KIRREL1: variants seen among roughly 807,000 people sequenced by gnomAD.
The protein encoded by KIRREL1 is kin of IRRE-like protein 1.
In KIRREL1, 25 loss-of-function variants were observed where a neutral mutation model predicts 83.3. That is an observed-to-expected ratio of 0.30 (90% CI 0.22 to 0.42). The LOEUF is 0.42. KIRREL1 is among the 10% of genes least tolerant of loss of function. KIRREL1 has a pLI of 1.00. For synonymous variants in KIRREL1, 388 were observed against 410.4 expected (o/e 0.95, Z 0.66); for missense variants, 812 against 1,032.3 (o/e 0.79, Z 2.92).
At position 158,049,013 on chromosome 1, in the gene KIRREL1, G is replaced by A. The variant is rs527675462; in HGVS notation, c.53-27100G>A. Among the ~76,000 whole-genome samples the A allele has an allele frequency of 3.9e-5, 6 of 152,280 alleles. No homozygotes were observed. The South Asian group carries it at 1.2e-3, about 32-fold the overall frequency. Reference sequence around the variant, plus strand: ...AGTCAGGTGGGGCTTATCGGGAAAGGCTTTCTGGAAGAGGGAGCATTTGGG... The same window carrying A: ...AGTCAGGTGGGGCTTATCGGGAAAGACTTTCTGGAAGAGGGAGCATTTGGG... On this transcript the variant is annotated intron_variant, in intron 1 of 14. Coordinates refer to ENST00000359209, the MANE Select transcript of KIRREL1 (RefSeq NM_018240.7).
At chr1:157,999,598 C>A (rs1017929296) in intron 1 of KIRREL1, among the ~76,000 whole-genome samples, 2 of 152,148 alleles carry the variant, frequency 1.3e-5, no homozygotes, top group Non-Finnish European at 2.9e-5. Flanking sequence ...CATTTCTCTT[C>A]ATATGTCCAG....
chr1:158,026,026 C>A (rs899894886), intron 1 of KIRREL1, among the ~76,000 whole-genome samples: 2 of 152,062 alleles, frequency 1.3e-5, no homozygotes, highest in East Asian at 3.9e-4. Flanking sequence ...TCTCTCCCTG[C>A]CAGTCCTGGT....
Position 158,088,002 on chromosome 1 carries a change from C to A in KIRREL1, c.768-4C>A. 1 of 1,614,132 alleles carries A rather than the reference C, an allele frequency of 6.2e-7. No homozygotes were observed. The highest frequency in any genetic ancestry group is 8.5e-7 in the Non-Finnish European group (1 of 1,180,004). On this transcript the variant is annotated splice_region_variant and splice_polypyrimidine_tract_variant and intron_variant, in intron 6 of 14. Coordinates refer to ENST00000359209, the MANE Select transcript of KIRREL1 (RefSeq NM_018240.7). ...TCCCACCTCTGTGTTGCCTCCTCCC[C>A]TAGGTGGGCCAAAGGGGGTTTCTTG...
chr1:158,056,734 A>G (rs1187107194), intron 1 of KIRREL1, among the ~76,000 whole-genome samples: 2 of 152,134 alleles, frequency 1.3e-5, no homozygotes, highest in Non-Finnish European at 2.9e-5. Flanking sequence ...AGTGTTAATA[A>G]TGCATCACGT....
At chr1:158,020,176 G>A (rs1382863051) in intron 1 of KIRREL1, among the ~76,000 whole-genome samples, 5 of 152,060 alleles carry the variant, frequency 3.3e-5, no homozygotes, top group African/African-American at 1.2e-4. Context: ...TCCTCCCAGA[G>A]CACCTGGTCA....
At chr1:158,049,259 G>A (rs182363199) in intron 1 of KIRREL1, among the ~76,000 whole-genome samples, 17 of 152,370 alleles carry the variant, frequency 1.1e-4, no homozygotes, top group Admixed American at 1.1e-3. Flanking sequence ...TTATAGTTCA[G>A]AGCTTCACAG....
intron 1 of KIRREL1, among the ~76,000 whole-genome samples, chr1:158,047,836 A>G (rs979816176): frequency 7.9e-5 from 12 of 152,156 alleles, no homozygotes; most frequent in Non-Finnish European, 1.5e-4. Context: ...ACCCATGCAC[A>G]AAAGTACTTT....
rs1473532350 is a variant in KIRREL1, at chr1:158,030,863, G to C, written c.52+37135G>C. The C allele has an allele frequency of 2.6e-5, 4 of 152,196 alleles. No individual in the cohort carries two copies. The East Asian group carries it at 7.7e-4, about 29-fold the overall frequency. The allele number at this position is 152,196 out of a possible 1,614,324, so 9.4% of individuals were successfully genotyped here. A position where few individuals can be genotyped will look rare whatever the true frequency, so the allele number is the denominator to read the frequency against. On this transcript the variant is annotated intron_variant, in intron 1 of 14. Coordinates refer to ENST00000359209, the MANE Select transcript of KIRREL1 (RefSeq NM_018240.7). ...GTACCCAGAGTCAAGATCCCCAGGAGTAGGTGTGAGTGCTGACTCATGTTG... is the reference window on the plus strand; with the variant it reads ...GTACCCAGAGTCAAGATCCCCAGGACTAGGTGTGAGTGCTGACTCATGTTG...
chr1:158,028,703 T>G (rs1199417381), intron 1 of KIRREL1, among the ~76,000 whole-genome samples: 2 of 152,228 alleles, frequency 1.3e-5, no homozygotes, highest in Non-Finnish European at 2.9e-5. Flanking sequence ...TACATAGCAC[T>G]TCTCAGTTTA....
intron 12 of KIRREL1, 52 bp from the exon 13 acceptor site, chr1:158,093,571 G>T (rs371935910): frequency 1.9e-6 from 3 of 1,611,358 alleles, no homozygotes; most frequent in Non-Finnish European, 2.5e-6. Flanking sequence ...AGAAGCAGCC[G>T]CTGCAGAGAC....
chr1:158,021,048 C>G (rs773303933), intron 1 of KIRREL1, among the ~76,000 whole-genome samples: 1 of 152,276 alleles, frequency 6.6e-6, no homozygotes, highest in South Asian at 2.1e-4. Flanking sequence ...GCACAGAGCA[C>G]TTAGAGTTGA....
At position 158,091,661 on chromosome 1, in the gene KIRREL1, C is replaced by G. The variant is rs1260154826; in HGVS notation, c.1471+105C>G. On this transcript the variant is annotated intron_variant, in intron 11 of 14. Transcript: ENST00000359209. ...TCAGCTGCTCCCCTTCCCTTGGGCTCTGCTCTGAGGGAGGGGACACACAGA... is the reference window on the plus strand; with the variant it reads ...TCAGCTGCTCCCCTTCCCTTGGGCTGTGCTCTGAGGGAGGGGACACACAGA... 3 of 1,108,936 alleles carry G rather than the reference C, an allele frequency of 2.7e-6. No homozygotes were observed. The African/African-American group carries it at 4.6e-5, about 17-fold the overall frequency. 68.7% of individuals were successfully genotyped at this position (1,108,936 alleles called of 1,614,324 possible). A position where few individuals can be genotyped will look rare whatever the true frequency, so the allele number is the denominator to read the frequency against.
At chr1:158,083,510 G>T (rs1446320887) in intron 3 of KIRREL1, among the ~76,000 whole-genome samples, 1 of 152,252 alleles carries the variant, frequency 6.6e-6, no homozygotes, top group African/African-American at 2.4e-5. Flanking sequence ...CCCTGAACAG[G>T]AGGCCGAAAT....
intron 1 of KIRREL1, among the ~76,000 whole-genome samples, chr1:158,038,468 T>C (rs1166624164): frequency 1.3e-5 from 2 of 150,330 alleles, no homozygotes; most frequent in Non-Finnish European, 2.9e-5. Context: ...CCAGTCCTTT[T>C]ACAGGTGGCT....
intron 1 of KIRREL1, among the ~76,000 whole-genome samples, chr1:158,061,746 G>A (rs1011853082): frequency 6.6e-6 from 1 of 152,216 alleles, no homozygotes; most frequent in Non-Finnish European, 1.5e-5. Context: ...ACAGGCTCAT[G>A]TGGGAGGCTG....
intron 11 of KIRREL1, 102 bp downstream of exon 11, chr1:158,091,658 G>T: frequency 8.8e-7 from 1 of 1,142,278 alleles, no homozygotes; most frequent in Non-Finnish European, 1.3e-6. Flanking sequence ...CTTCCCTTGG[G>T]CTCTGCTCTG....
At chr1:158,022,832 C>A (rs563217069) in intron 1 of KIRREL1, among the ~76,000 whole-genome samples, 1 of 152,196 alleles carries the variant, frequency 6.6e-6, no homozygotes, top group Non-Finnish European at 1.5e-5. Flanking sequence ...AGTGCCAGCG[C>A]CCTAGCCTGT....
At chr1:158,062,523 G>A (rs1033849160) in intron 1 of KIRREL1, among the ~76,000 whole-genome samples, 6 of 152,248 alleles carry the variant, frequency 3.9e-5, no homozygotes, top group Non-Finnish European at 5.9e-5. Flanking sequence ...TTCTAGGAGC[G>A]CCTTTGCAGG....
At chr1:158,068,228 A>G (rs527964582) in intron 1 of KIRREL1, among the ~76,000 whole-genome samples, 1 of 152,156 alleles carries the variant, frequency 6.6e-6, no homozygotes, top group Non-Finnish European at 1.5e-5. Context: ...TAGTCCTTAA[A>G]TGTTTAGAAA....
Sources: allele counts gnomAD v4.1 joint callset (sites outside exome capture counted in the v4.1 genomes callset), GRCh38; gene constraint gnomAD v4.1.1; transcripts MANE v1.5; gene names NCBI Gene and HGNC (gene_info 2026-07-23, HGNC 2026-07-21).